The following MYO10 variants were observed in gnomAD, a reference collection of about 807,000 sequenced individuals.
The protein encoded by MYO10 is unconventional myosin-X.
In MYO10, 133 loss-of-function variants were observed where a neutral mutation model predicts 257.3. The ratio of observed to expected loss-of-function variants is 0.52; its 90% CI spans 0.45 to 0.60. The LOEUF is 0.60. MYO10 is among the 20% of genes least tolerant of loss of function. MYO10 has a pLI of 0.00. For synonymous variants in MYO10, 1,104 were observed against 1,028.6 expected, an observed-to-expected ratio of 1.07 and a Z score of -1.40; for missense variants, 2,399 against 2,635.7, an observed-to-expected ratio of 0.91 and a Z score of 1.97.
intron 2 of MYO10, among the ~76,000 whole-genome samples, chr5:16,848,514 AAAT>A (rs1450895296): frequency 2.0e-5 from 3 of 152,068 alleles, no homozygotes; most frequent in Non-Finnish European, 4.4e-5. Context: ...GATTTTCTAA[AAAT>A]AATAATGATG....
In MYO10 at chr5:16,796,464, G is replaced by GAAAGAAAGA. The variant is rs1247319704; in HGVS notation, c.280-1632_280-1631insTCTTTCTTT. Among the ~76,000 whole-genome samples, 55 of 100,122 alleles carry GAAAGAAAGA rather than the reference G, an allele frequency of 5.5e-4. 1 individual carries two copies. Among genetic ancestry groups the GAAAGAAAGA allele is most frequent in the South Asian group, 1.5e-3 (4 of 2,696 alleles). The allele number at this position is 100,122 out of a possible 152,430, so 65.7% of individuals were successfully genotyped here. On this transcript the variant is annotated intron_variant, in intron 3 of 40. Transcript: ENST00000513610. ...AGACAGAAAGAAAGAAAGAAAGAAAGAAAGAAAAGAAAAGAAAAGAAAGAA... is the reference window on the plus strand; with the variant it reads ...AGACAGAAAGAAAGAAAGAAAGAAAGAAAGAAAGAAAAGAAAAGAAAAGAAAAGAAAGAA...
rs73049027 is a variant in MYO10, at chr5:16,679,929, G to A, written c.4542+18C>T. The A allele has an allele frequency of 1.5e-3, 2,470 of 1,611,374 alleles. 32 individuals are homozygous for A. In the African/African-American group the frequency reaches 0.029, roughly 19 times the overall value. On this transcript the variant is annotated intron_variant, in intron 33 of 40. Transcript: ENST00000513610. ...CTGAGCTGTAATCACCCACCTTGAT[G>A]GGCTTGTCTTGGCTTACCTTGATAT...
intron 32 of MYO10, 37 bp downstream of exon 32, chr5:16,681,272 A>G (rs1262075881): frequency 1.3e-6 from 2 of 1,574,884 alleles, no homozygotes; most frequent in African/African-American, 2.7e-5. Flanking sequence ...AGACTTTAAG[A>G]TTTGATGCTC....
At chr5:16,704,825 G>A in intron 21 of MYO10, 140 bp from the exon 22 acceptor site, 1 of 649,044 alleles carries the variant, frequency 1.5e-6, no homozygotes, top group Non-Finnish European at 2.7e-6. Context: ...TTCTAGAATA[G>A]TGCTTTTTAA....
intron 33 of MYO10, among the ~76,000 whole-genome samples, chr5:16,678,989 G>A (rs1354642421): frequency 6.6e-6 from 1 of 152,204 alleles, no homozygotes; most frequent in African/African-American, 2.4e-5. Flanking sequence ...GAAAGTGAGG[G>A]TAAGAATCCC....
At chr5:16,780,491 T>C (rs1204091834) in intron 8 of MYO10, 33 bp downstream of exon 8, 1 of 1,499,654 alleles carries the variant, frequency 6.7e-7, no homozygotes, top group Admixed American at 2.0e-5. Context: ...AATGAGTTGC[T>C]AGTCCACATT....
In MYO10 at chr5:16,860,854, C is replaced by CA. The variant is rs376782850; in HGVS notation, c.120+16754dup. Among the ~76,000 whole-genome samples, 875 of 152,022 alleles carry CA rather than the reference C, an allele frequency of 5.8e-3. 11 individuals are homozygous for CA. Among genetic ancestry groups the CA allele is most frequent in the Middle Eastern group, 0.027 (8 of 294 alleles). ...ACAGAACCAGCTAAGAAAGGATGGCCAAAAAGGAGCTGATTACTACCTAGG... is the reference window on the plus strand; with the variant it reads ...ACAGAACCAGCTAAGAAAGGATGGCCAAAAAAGGAGCTGATTACTACCTAGG... On this transcript the variant is annotated intron_variant, in intron 2 of 40. Transcript: ENST00000513610.
chr5:16,781,198 G>A (rs1339336291), intron 6 of MYO10, among the ~76,000 whole-genome samples: 8 of 151,530 alleles, frequency 5.3e-5, no homozygotes, highest in African/African-American at 1.9e-4. Context: ...TCCTGTCTCA[G>A]CCTCCCAAGT....
chr5:16,710,487 C>A (rs1738548467), intron 21 of MYO10, among the ~76,000 whole-genome samples: 2 of 152,180 alleles, frequency 1.3e-5, no homozygotes, highest in Non-Finnish European at 2.9e-5. Context: ...GGCTACTGAT[C>A]TCTCGCTCAG....
intron 1 of MYO10, among the ~76,000 whole-genome samples, chr5:16,917,610 T>C (rs1383519565): frequency 6.6e-6 from 1 of 151,522 alleles, no homozygotes; most frequent in Non-Finnish European, 1.5e-5. Flanking sequence ...TCCCAGCACT[T>C]TGGGAGGCTG....
chr5:16,744,942 G>A (rs1215910537), intron 19 of MYO10, among the ~76,000 whole-genome samples: 1 of 152,140 alleles, frequency 6.6e-6, no homozygotes, highest in African/African-American at 2.4e-5. Context: ...TATTTGACAC[G>A]CTCCTATGAA....
rs370443366 is a variant in MYO10, at chr5:16,762,143, A to AAAAAAAT, written c.1588-31_1588-30insATTTTTT. Reference sequence around the variant, plus strand: ...AAAAAAAAAAAAAAAAAAAAAAAAAAATACAATGCCTTATTTCACTCACTG... The same window carrying AAAAAAAT: ...AAAAAAAAAAAAAAAAAAAAAAAAAAAAAAAATATACAATGCCTTATTTCACTCACTG... On this transcript the variant is annotated intron_variant, in intron 15 of 40. Transcript: ENST00000513610. 1,378 of 1,090,922 alleles carry AAAAAAAT rather than the reference A, an allele frequency of 1.3e-3. 60 individuals are homozygous for AAAAAAAT. Among genetic ancestry groups the AAAAAAAT allele is most frequent in the South Asian group, 1.6e-3 (87 of 53,350 alleles). 67.6% of individuals were successfully genotyped at this position (1,090,922 alleles called of 1,614,324 possible). A position where few individuals can be genotyped will look rare whatever the true frequency, so the allele number is the denominator to read the frequency against.
At chr5:16,795,556 G>C (rs1741914210) in intron 3 of MYO10, among the ~76,000 whole-genome samples, 1 of 152,208 alleles carries the variant, frequency 6.6e-6, no homozygotes. Flanking sequence ...ACCCGAGATA[G>C]TGCTACTGCA....
chr5:16,842,943 G>T (rs536574591), intron 2 of MYO10, among the ~76,000 whole-genome samples: 1 of 147,142 alleles, frequency 6.8e-6, no homozygotes, highest in East Asian at 2.0e-4. Context: ...AAAAAAAAAG[G>T]AACTTTGAAA....
At chr5:16,892,599 C>T (rs1052747690) in intron 1 of MYO10, among the ~76,000 whole-genome samples, 2 of 152,108 alleles carry the variant, frequency 1.3e-5, no homozygotes, top group Admixed American at 1.3e-4. Flanking sequence ...GCCAAGACTG[C>T]GCCACTGCAC....
At chr5:16,763,003 T>A (rs1417161413) in intron 14 of MYO10, among the ~76,000 whole-genome samples, 3 of 150,664 alleles carry the variant, frequency 2.0e-5, no homozygotes, top group Admixed American at 1.3e-4. Context: ...AATGTGTGCG[T>A]CCCAAACTAT....
chr5:16,871,519 A>T (rs1274213915), intron 2 of MYO10, among the ~76,000 whole-genome samples: 1 of 152,112 alleles, frequency 6.6e-6, no homozygotes, highest in African/African-American at 2.4e-5. Context: ...AGGTGGGAGG[A>T]TCACTTGAGC....
intron 1 of MYO10, chr5:16,902,497 C>T: frequency 6.4e-7 from 1 of 1,553,198 alleles, no homozygotes; most frequent in East Asian, 2.2e-5. Flanking sequence ...TCCCTGACTG[C>T]TGCGGCCTCC....
At chr5:16,774,274 G>T (rs913720881) in intron 9 of MYO10, among the ~76,000 whole-genome samples, 2 of 152,160 alleles carry the variant, frequency 1.3e-5, no homozygotes, top group Admixed American at 1.3e-4. Flanking sequence ...ACAAAGGGAG[G>T]AGTGTCACCC....
Sources: allele counts gnomAD v4.1 joint callset (sites outside exome capture counted in the v4.1 genomes callset), GRCh38; gene constraint gnomAD v4.1.1; transcripts MANE v1.5; gene names NCBI Gene and HGNC (gene_info 2026-07-23, HGNC 2026-07-21).